The following SLC25A26 variants were observed in gnomAD, a reference collection of about 807,000 sequenced individuals.
SLC25A26 encodes mitochondrial S-adenosylmethionine carrier protein.
In SLC25A26, 36 loss-of-function variants were observed where a neutral mutation model predicts 37.8. That is an observed-to-expected ratio of 0.95 (90% CI 0.73 to 1.26). SLC25A26 has a LOEUF of 1.26. Ranked by LOEUF, SLC25A26 falls within the 50% of genes most tolerant of loss-of-function variation. The probability of loss-of-function intolerance (pLI) is 0.00; values close to 1 mark genes in which losing one functional copy is unlikely to be tolerated. For synonymous variants in SLC25A26, 129 were observed against 122.5 expected (o/e 1.05, Z -0.35); for missense variants, 390 against 331.1 (o/e 1.18, Z -1.38).
chr3:66,253,861 C>T (rs2073193123), intron 3 of SLC25A26, among the ~76,000 whole-genome samples: 1 of 152,108 alleles, frequency 6.6e-6, no homozygotes, highest in African/African-American at 2.4e-5. Context: ...AATCATGGCT[C>T]ATTTCTGTTA....
At chr3:66,186,039 G>A (rs1019733112) in intron 1 of SLC25A26, among the ~76,000 whole-genome samples, 1 of 149,408 alleles carries the variant, frequency 6.7e-6, no homozygotes. Context: ...ACCCTGACAC[G>A]CATCCTGACA....
intron 9 of SLC25A26, among the ~76,000 whole-genome samples, chr3:66,372,513 C>T (rs758197161): frequency 1.3e-5 from 2 of 152,138 alleles, no homozygotes; most frequent in Admixed American, 6.5e-5. Flanking sequence ...GTGTCTTCCT[C>T]AGGTCAAGGG....
At chr3:66,276,300 C>T (rs1056368780) in intron 5 of SLC25A26, among the ~76,000 whole-genome samples, 1 of 152,026 alleles carries the variant, frequency 6.6e-6, no homozygotes, top group South Asian at 2.1e-4. Context: ...AATTGGAGGT[C>T]AAGTTTGTAT....
In SLC25A26 at chr3:66,333,963, T is replaced by C. The variant is rs73833468; in HGVS notation, c.454-12401T>C. On this transcript the variant is annotated intron_variant, in intron 5 of 9. Coordinates refer to ENST00000354883, the MANE Select transcript of SLC25A26 (RefSeq NM_001379210.1). ...TCTGTTGCAGCAGACAGATTGAAAATGGTAATGGAGGTAAAGGGAGGTGAG... is the reference window on the plus strand; with the variant it reads ...TCTGTTGCAGCAGACAGATTGAAAACGGTAATGGAGGTAAAGGGAGGTGAG... 4.4e-3 allele frequency among the ~76,000 whole-genome samples: 675 copies of C among 152,182 alleles called. 10 individuals are homozygous for C. Among genetic ancestry groups the C allele is most frequent in the African/African-American group, 0.015 (635 of 41,514 alleles).
At chr3:66,358,830 G>A (rs183540706) in intron 6 of SLC25A26, among the ~76,000 whole-genome samples, 7 of 152,208 alleles carry the variant, frequency 4.6e-5, no homozygotes, top group East Asian at 1.9e-4. Flanking sequence ...CATGTAAGTC[G>A]GAAGATTCTG....
chr3:66,351,222 A>G (rs17774191), intron 6 of SLC25A26, among the ~76,000 whole-genome samples: 44,228 of 151,998 alleles, frequency 0.29, 7,401 homozygotes, highest in East Asian at 0.69. Flanking sequence ...CTCTTATTGC[A>G]GAATACTTGC....
intron 1 of SLC25A26, among the ~76,000 whole-genome samples, chr3:66,225,625 G>A (rs781928161): frequency 2.0e-5 from 3 of 152,184 alleles, no homozygotes; most frequent in Non-Finnish European, 2.9e-5. Flanking sequence ...GCAAATTTCT[G>A]CAGCCAGCTT....
At chr3:66,222,249 C>T (rs1351745301) in intron 1 of SLC25A26, among the ~76,000 whole-genome samples, 5 of 150,202 alleles carry the variant, frequency 3.3e-5, no homozygotes, top group African/African-American at 1.2e-4. Flanking sequence ...GGCGCCATCT[C>T]GGCTCACTGC....
chr3:66,264,149 G>A (rs899318692), intron 5 of SLC25A26, among the ~76,000 whole-genome samples: 3 of 151,700 alleles, frequency 2.0e-5, no homozygotes, highest in Non-Finnish European at 4.4e-5. Flanking sequence ...GTGGGCACCT[G>A]TAATCCCAGT....
chr3:66,364,908 G>C (rs1490967264), intron 7 of SLC25A26, among the ~76,000 whole-genome samples: 1 of 152,156 alleles, frequency 6.6e-6, no homozygotes, highest in African/African-American at 2.4e-5. Context: ...CAAAAAATCT[G>C]TTGTCAGTAG....
intron 6 of SLC25A26, among the ~76,000 whole-genome samples, chr3:66,359,532 G>T (rs1018907374): frequency 6.6e-6 from 1 of 152,192 alleles, no homozygotes; most frequent in African/African-American, 2.4e-5. Flanking sequence ...GATATAAGTA[G>T]ATTAACTGAA....
At chr3:66,249,076 G>T (rs1457210089) in intron 3 of SLC25A26, among the ~76,000 whole-genome samples, 1 of 152,208 alleles carries the variant, frequency 6.6e-6, no homozygotes, top group African/African-American at 2.4e-5. Flanking sequence ...TGTACCACTT[G>T]TAGATCAAAT....
chr3:66,177,628 T>C (rs2070611201), intron 1 of SLC25A26, among the ~76,000 whole-genome samples: 1 of 152,222 alleles, frequency 6.6e-6, no homozygotes. Flanking sequence ...TCGTCTGTCC[T>C]GTGACTGCCC....
intron 5 of SLC25A26, among the ~76,000 whole-genome samples, chr3:66,305,458 C>T (rs576913532): frequency 1.4e-4 from 21 of 152,230 alleles, no homozygotes; most frequent in African/African-American, 5.1e-4. Context: ...TTATTTATTT[C>T]ATTTTAATTT....
chr3:66,258,525 C>T (rs2073393290), intron 3 of SLC25A26, among the ~76,000 whole-genome samples: 1 of 152,154 alleles, frequency 6.6e-6, no homozygotes, highest in African/African-American at 2.4e-5. Context: ...GTTCAGCTCT[C>T]CCGCTTGCTC....
chr3:66,328,088 T>G (rs2075882961), intron 5 of SLC25A26, among the ~76,000 whole-genome samples: 1 of 152,116 alleles, frequency 6.6e-6, no homozygotes, highest in Admixed American at 6.5e-5. Flanking sequence ...CGCCTGCCAT[T>G]GGTTGTTGGT....
chr3:66,285,156 T>C (rs548222086), intron 5 of SLC25A26, among the ~76,000 whole-genome samples: 8 of 152,318 alleles, frequency 5.3e-5, no homozygotes, highest in Non-Finnish European at 8.8e-5. Flanking sequence ...ATATGAATTA[T>C]ATGCATTTTT....
In SLC25A26 at chr3:66,263,481, G is replaced by A. The variant is rs527881247; in HGVS notation, c.453+102G>A. 3.0e-5 allele frequency: 23 copies of A among 773,844 alleles called. No individual in the cohort carries two copies. The South Asian group carries it at 3.9e-4, about 13-fold the overall frequency. 47.9% of individuals were successfully genotyped at this position (773,844 alleles called of 1,614,324 possible). ...TTAGAAATATATTTGGAGAAACTTG[G>A]TTTAAAAAATCAAAAAGGGAAATTA... On this transcript the variant is annotated intron_variant, in intron 5 of 9. Coordinates refer to ENST00000354883, the MANE Select transcript of SLC25A26 (RefSeq NM_001379210.1).
In SLC25A26 at chr3:66,259,708, G is replaced by A. The variant is rs559984851; in HGVS notation, c.301-2343G>A. Among the ~76,000 whole-genome samples the A allele has an allele frequency of 1.6e-4, 24 of 152,124 alleles. No individual in the cohort carries two copies. In the East Asian group the frequency reaches 4.5e-3, roughly 28 times the overall value. On this transcript the variant is annotated intron_variant, in intron 3 of 9. Transcript: ENST00000354883. The stretch of plus-strand genomic sequence containing the variant: ...TAACCCATCTTTTGCCTTCTGGCTC[G>A]TGGTCCCCCTTTGCTTCTTGCCTTC...
Sources: allele counts gnomAD v4.1 joint callset (sites outside exome capture counted in the v4.1 genomes callset), GRCh38; gene constraint gnomAD v4.1.1; transcripts MANE v1.5; gene names NCBI Gene and HGNC (gene_info 2026-07-23, HGNC 2026-07-21).